The following KHDRBS3 variants were observed in gnomAD, a reference collection of about 807,000 sequenced individuals.
KHDRBS3 encodes the protein KH RNA binding domain containing, signal transduction associated 3.
Under a neutral mutation model 45.6 loss-of-function variants are expected in KHDRBS3, and 23 were observed. The observed-to-expected ratio is 0.50, with a 90% CI of 0.36 to 0.72. KHDRBS3 has a LOEUF of 0.72. KHDRBS3 is among the 30% of genes least tolerant of loss of function. The pLI, the probability that KHDRBS3 is intolerant of heterozygous loss-of-function variation, is 0.00. For missense variants in KHDRBS3, 352 were observed against 424.8 expected, an observed-to-expected ratio of 0.83 and a Z score of 1.51; for synonymous variants, 162 against 156.5, an observed-to-expected ratio of 1.04 and a Z score of -0.26.
chr8:135,511,806 TCTCGGC>T, intron 1 of KHDRBS3, among the ~76,000 whole-genome samples: 1 of 151,992 alleles, frequency 6.6e-6, no homozygotes, highest in Non-Finnish European at 1.5e-5. Flanking sequence ...AATCCGCCCG[TCTCGGC>T]CTCCCAAAGT....
intron 4 of KHDRBS3, among the ~76,000 whole-genome samples, chr8:135,652,717 C>T (rs1442311848): frequency 6.6e-6 from 1 of 152,212 alleles, no homozygotes; most frequent in Non-Finnish European, 1.5e-5. Context: ...CCCTCCCTAG[C>T]CTGCCATCTT....
intron 7 of KHDRBS3, among the ~76,000 whole-genome samples, chr8:135,623,007 G>A (rs1830210764): frequency 6.6e-6 from 1 of 152,256 alleles, no homozygotes; most frequent in African/African-American, 2.4e-5. Flanking sequence ...ACCTTCCCCG[G>A]AACCTCAGTC....
At position 135,485,842 on chromosome 8, in the gene KHDRBS3, T is replaced by TTATATA. The variant is rs34886021; in HGVS notation, c.88+27910_88+27915dup. 3.4e-3 allele frequency among the ~76,000 whole-genome samples: 412 copies of TTATATA among 120,316 alleles called. 6 individuals are homozygous for TTATATA. The highest frequency in any genetic ancestry group is 9.7e-3 in the South Asian group (39 of 4,006). The allele number at this position is 120,316 out of a possible 152,430, so 78.9% of individuals were successfully genotyped here. A position where few individuals can be genotyped will look rare whatever the true frequency, so the allele number is the denominator to read the frequency against. On this transcript the variant is annotated intron_variant, in intron 1 of 8. Coordinates refer to ENST00000355849, the MANE Select transcript of KHDRBS3 (RefSeq NM_006558.3). ...TGCAGGATTGATTGGCATTTCAAGT[T>TTATATA]TATATATATATATATATATATATAT...
In KHDRBS3 at chr8:135,557,548, C is replaced by T. The variant is rs749605907; in HGVS notation, c.572C>T (p.Thr191Ile). ...GTTCCAGTGGTTCGAGGGAAACCCA[C>T]CTTGCGTACAAGAGGTGTACCAGCC... ...ADVPVVRGKP[T>I]LRTRGVPAPA... Residue 191 changes from threonine to isoleucine, a missense_variant, in exon 5 of 9, where the codon ACC (threonine) becomes ATC (isoleucine). Physicochemically the swap from Thr to Ile is moderately conservative, Grantham distance 89. Transcript: ENST00000355849. 6.2e-7 allele frequency: 1 copy of T among 1,613,068 alleles called. No homozygotes were observed. Among genetic ancestry groups the T allele is most frequent in the Non-Finnish European group, 8.5e-7 (1 of 1,179,040 alleles).
At chr8:135,530,059 C>CAA (rs11428464) in intron 2 of KHDRBS3, among the ~76,000 whole-genome samples, 86 of 136,590 alleles carry the variant, frequency 6.3e-4, no homozygotes, top group Middle Eastern at 3.9e-3. Context: ...ACTCCCATCT[C>CAA]AAAAAAAAAA....
intron 5 of KHDRBS3, among the ~76,000 whole-genome samples, chr8:135,560,714 G>T (rs1026070999): frequency 2.0e-5 from 3 of 152,152 alleles, no homozygotes; most frequent in East Asian, 3.8e-4. Context: ...CATATGCATT[G>T]CTTGTCATTT....
At chr8:135,604,902 A>G (rs979861869) in intron 6 of KHDRBS3, among the ~76,000 whole-genome samples, 16 of 151,380 alleles carry the variant, frequency 1.1e-4, no homozygotes, top group South Asian at 2.1e-4. Flanking sequence ...GTTTTGCTGG[A>G]TGGAGAAATT....
At chr8:135,588,602 G>A (rs538069521) in intron 6 of KHDRBS3, among the ~76,000 whole-genome samples, 2 of 152,204 alleles carry the variant, frequency 1.3e-5, no homozygotes, top group Admixed American at 1.3e-4. Context: ...TTTCCTTAGG[G>A]GCTTTCTGGA....
At chr8:135,619,819 A>G (rs1010982249) in intron 7 of KHDRBS3, among the ~76,000 whole-genome samples, 3 of 152,212 alleles carry the variant, frequency 2.0e-5, no homozygotes, top group African/African-American at 7.2e-5. Flanking sequence ...TCTCCAGGAT[A>G]ATGATTGCCC....
At position 135,632,288 on chromosome 8, in the gene KHDRBS3, C is replaced by T. The variant is rs527991635; in HGVS notation, c.891-12771C>T. Among the ~76,000 whole-genome samples the T allele has an allele frequency of 2.6e-5, 4 of 152,246 alleles. No homozygotes were observed. In the South Asian group the frequency reaches 8.3e-4, roughly 32 times the overall value. ...TCGTTCCTTCTGAAGAGCCTTAGGC[C>T]CTCACCATCTCAGAGCCTCTGGGCT... On this transcript the variant is annotated intron_variant, in intron 7 of 8. Coordinates refer to ENST00000355849, the MANE Select transcript of KHDRBS3 (RefSeq NM_006558.3).
chr8:135,585,086 G>A (rs548933987), intron 6 of KHDRBS3, among the ~76,000 whole-genome samples: 12 of 151,508 alleles, frequency 7.9e-5, no homozygotes, highest in African/African-American at 2.7e-4. Flanking sequence ...AAAATTAGCC[G>A]GGTGTAGTGG....
At chr8:135,631,731 T>A (rs1267215170) in intron 7 of KHDRBS3, among the ~76,000 whole-genome samples, 1 of 152,204 alleles carries the variant, frequency 6.6e-6, no homozygotes, top group Admixed American at 6.5e-5. Flanking sequence ...CCAGATAGGT[T>A]TTCCTTTTTA....
At chr8:135,475,665 A>G (rs181340640) in intron 1 of KHDRBS3, among the ~76,000 whole-genome samples, 1 of 152,202 alleles carries the variant, frequency 6.6e-6, no homozygotes, top group African/African-American at 2.4e-5. Flanking sequence ...TAGAGACATT[A>G]AGTGACTTGT....
chr8:135,553,256 A>G (rs1290902992), intron 4 of KHDRBS3, among the ~76,000 whole-genome samples: 3 of 152,004 alleles, frequency 2.0e-5, no homozygotes, highest in Admixed American at 1.3e-4. Flanking sequence ...ATGAATAAAT[A>G]TATTATATTT....
chr8:135,487,307 T>C (rs995796834), intron 1 of KHDRBS3, among the ~76,000 whole-genome samples: 1 of 152,214 alleles, frequency 6.6e-6, no homozygotes, highest in African/African-American at 2.4e-5. Flanking sequence ...GAGGTGCTGC[T>C]GGTTCCCAGG....
intron 1 of KHDRBS3, among the ~76,000 whole-genome samples, chr8:135,482,305 G>A (rs1333778866): frequency 6.6e-6 from 1 of 152,176 alleles, no homozygotes; most frequent in Non-Finnish European, 1.5e-5. Flanking sequence ...AATATATGCA[G>A]TCTTTGGATT....
chr8:135,559,508 A>G lies in KHDRBS3; in HGVS notation c.611+1921A>G, dbSNP rs531830914. Among the ~76,000 whole-genome samples, 4 of 152,010 alleles carry G rather than the reference A, an allele frequency of 2.6e-5. No individual in the cohort carries two copies. The South Asian group carries it at 8.3e-4, about 32-fold the overall frequency. ...GCTGGGATTACAGGCACCTGCCACCACACCTGGTTAATTTTTTTGTGTGTA... is the reference window on the plus strand; with the variant it reads ...GCTGGGATTACAGGCACCTGCCACCGCACCTGGTTAATTTTTTTGTGTGTA... On this transcript the variant is annotated intron_variant, in intron 5 of 8. Transcript: ENST00000355849.
chr8:135,514,024 C>T (rs1824440423), intron 1 of KHDRBS3, among the ~76,000 whole-genome samples: 3 of 152,232 alleles, frequency 2.0e-5, no homozygotes, highest in Admixed American at 2.0e-4. Context: ...AAAATTCCTT[C>T]AGCCGTTCCT....
At chr8:135,489,408 G>A (rs762719857) in intron 1 of KHDRBS3, among the ~76,000 whole-genome samples, 5 of 152,254 alleles carry the variant, frequency 3.3e-5, no homozygotes, top group Non-Finnish European at 5.9e-5. Context: ...GGCCAGGCAC[G>A]GTGGCTCACG....
Sources: allele counts gnomAD v4.1 joint callset (sites outside exome capture counted in the v4.1 genomes callset), GRCh38; gene constraint gnomAD v4.1.1; transcripts MANE v1.5; gene names NCBI Gene and HGNC (gene_info 2026-07-23, HGNC 2026-07-21).